FARP2: variants seen among roughly 807,000 people sequenced by gnomAD.
FARP2 encodes FERM, ARHGEF and pleckstrin domain-containing protein 2.
Under a neutral mutation model 130.5 loss-of-function variants are expected in FARP2, and 111 were observed. That is an observed-to-expected ratio of 0.85 (90% confidence interval 0.73 to 1.00). The LOEUF (loss-of-function observed/expected upper bound fraction) is 1.00, where lower values mean the gene tolerates loss of function less well. FARP2 is among the 50% of genes least tolerant of loss of function. The pLI, the probability that FARP2 is intolerant of heterozygous loss-of-function variation, is 0.00. For synonymous variants in FARP2, 504 were observed against 516.9 expected, an observed-to-expected ratio of 0.98 and a Z score of 0.34; for missense variants, 1,385 against 1,346.3, an observed-to-expected ratio of 1.03 and a Z score of -0.45.
At chr2:241,375,643 T>A (rs2061518950) in intron 2 of FARP2, among the ~76,000 whole-genome samples, 1 of 152,208 alleles carries the variant, frequency 6.6e-6, no homozygotes, top group African/African-American at 2.4e-5. Context: ...TTCAGTTAAA[T>A]ATAACCGTCA....
At chr2:241,427,364 A>G (rs1036365634) in intron 8 of FARP2, among the ~76,000 whole-genome samples, 1 of 152,220 alleles carries the variant, frequency 6.6e-6, no homozygotes, top group East Asian at 1.9e-4. Flanking sequence ...TGATTTTATT[A>G]AAGTATACAG....
chr2:241,382,292 A>ATTTT (rs772855102), intron 2 of FARP2, among the ~76,000 whole-genome samples: 4 of 126,262 alleles, frequency 3.2e-5, no homozygotes, highest in Admixed American at 1.7e-4. Flanking sequence ...TACAAAATCT[A>ATTTT]TTTTTTTTTT....
intron 5 of FARP2, among the ~76,000 whole-genome samples, chr2:241,408,807 C>A (rs2062433428): frequency 6.6e-6 from 1 of 152,088 alleles, no homozygotes; most frequent in South Asian, 2.1e-4. Flanking sequence ...TTAAAGGTTT[C>A]TGCATATCAT....
At chr2:241,485,445 T>C (rs1465152459) in intron 21 of FARP2, among the ~76,000 whole-genome samples, 6 of 137,510 alleles carry the variant, frequency 4.4e-5, no homozygotes, top group Non-Finnish European at 9.4e-5. Context: ...CTTCCTAGAG[T>C]CCTCCCTCCC....
chr2:241,414,203 A>G (rs1251972938), intron 7 of FARP2, among the ~76,000 whole-genome samples: 1 of 152,150 alleles, frequency 6.6e-6, no homozygotes, highest in African/African-American at 2.4e-5. Context: ...GATTTCTCTA[A>G]GACTTGACAC....
chr2:241,476,234 A>G (rs2064457101), intron 19 of FARP2, among the ~76,000 whole-genome samples: 1 of 150,402 alleles, frequency 6.6e-6, no homozygotes. Flanking sequence ...AAAAAAAAAA[A>G]AGAATTGCTG....
chr2:241,453,438 T>G (rs77726357), intron 13 of FARP2, among the ~76,000 whole-genome samples: 1 of 151,016 alleles, frequency 6.6e-6, no homozygotes, highest in Non-Finnish European at 1.5e-5. Flanking sequence ...CTGGCTAACA[T>G]GGTGAAACCC....
At chr2:241,488,790 T>C (rs1392165452) in intron 21 of FARP2, 2 of 152,230 alleles carry the variant, frequency 1.3e-5, no homozygotes, top group African/African-American at 4.8e-5. Context: ...TCTCAGACTT[T>C]ATCAAATGGA....
intron 2 of FARP2, among the ~76,000 whole-genome samples, chr2:241,384,410 T>C (rs1302413796): frequency 1.3e-5 from 2 of 152,178 alleles, no homozygotes; most frequent in Non-Finnish European, 2.9e-5. Context: ...CAGAAAGATA[T>C]TCTTTCCTCC....
rs757599494 is a variant in FARP2, at chr2:241,441,538, G to A, written c.1393G>A (p.Ala465Thr). 16 of 1,613,776 alleles carry A rather than the reference G, an allele frequency of 9.9e-6. No homozygotes were observed. Among genetic ancestry groups the A allele is most frequent in the Admixed American group, 5.0e-5 (3 of 60,004 alleles). The stretch of plus-strand genomic sequence containing the variant: ...ATCGGCCCAGCCCCTCGGGCCCCCC[G>A]CACTCCAGCCTGGTCCAGGTGTCGG... ...TPSAQPLGPP[A>T]LQPGPGLSTK... Residue 465 changes from alanine (A) to threonine (T), a missense_variant, in exon 13 of 27, where the codon GCA (alanine) becomes ACA (threonine). Ala to Thr is a moderately conservative substitution (Grantham distance 58, BLOSUM62 0). Transcript: ENST00000264042.
chr2:241,490,802 A>T (rs1325686039), intron 22 of FARP2, among the ~76,000 whole-genome samples: 2 of 151,934 alleles, frequency 1.3e-5, no homozygotes, highest in Non-Finnish European at 2.9e-5. Flanking sequence ...ACCCCTGCAG[A>T]CCCCCTGTTC....
Position 241,459,603 on chromosome 2 carries a change from A to C in FARP2, c.1587+2681A>C, listed in dbSNP as rs1574869319. Among the ~76,000 whole-genome samples the C allele has an allele frequency of 6.6e-6, 1 of 152,370 alleles. No homozygotes were observed. Among genetic ancestry groups the C allele is most frequent in the Non-Finnish European group, 1.5e-5 (1 of 68,038 alleles). On this transcript the variant is annotated intron_variant, in intron 14 of 26. Transcript: ENST00000264042. This position sits in a 1 kb window ranked among gnomAD's most constrained non-coding sequence, Gnocchi z 5.3. ...GGCAGAAGCCTCTTCCACGCTCTGC[A>C]TGGGCACATAGACCCTTCATGTGGG...
chr2:241,441,104 C>CA (rs1422957854), intron 12 of FARP2, among the ~76,000 whole-genome samples, 200 bp from the exon 13 acceptor site: 2 of 152,132 alleles, frequency 1.3e-5, no homozygotes, highest in African/African-American at 4.8e-5. Flanking sequence ...GGTTTGTAAA[C>CA]AGACGATCCT....
At position 241,441,514 on chromosome 2, in the gene FARP2, T is replaced by C; in HGVS notation, c.1369T>C (p.Ser457Pro). The C allele has an allele frequency of 6.2e-7, 1 of 1,614,052 alleles. No individual in the cohort carries two copies. The highest frequency in any genetic ancestry group is 8.5e-7 in the Non-Finnish European group (1 of 1,180,022). ...AGTGGCTGGAGGCCCCGACACACCA[T>C]CGGCCCAGCCCCTCGGGCCCCCCGC... Reference protein sequence around the residue: ...GAVAGGPDTPSAQPLGPPALQ... With the variant: ...GAVAGGPDTPPAQPLGPPALQ... The change falls in exon 13 of 27, where the codon TCG becomes CCG. Residue 457 changes from serine (S) to proline (P), a missense_variant. Transcript: ENST00000264042.
intron 2 of FARP2, among the ~76,000 whole-genome samples, chr2:241,379,050 A>G (rs539107955): frequency 1.3e-5 from 2 of 152,356 alleles, no homozygotes; most frequent in Admixed American, 6.5e-5. Context: ...ATCGGGTAGA[A>G]ATACTTTCAG....
intron 21 of FARP2, among the ~76,000 whole-genome samples, chr2:241,486,287 CTTTTTT>C (rs71406464): frequency 1.9e-5 from 2 of 103,896 alleles, no homozygotes; most frequent in South Asian, 6.9e-4. Context: ...CTCCAAAAAT[CTTTTTT>C]TTTTTTTTTT....
intron 20 of FARP2, 93 bp downstream of exon 20, chr2:241,483,626 C>G: frequency 1.4e-6 from 2 of 1,401,200 alleles, no homozygotes; most frequent in Non-Finnish European, 2.0e-6. Flanking sequence ...AGCCCATTGG[C>G]CTCTGGGTAG....
chr2:241,413,940 CAAA>C (rs746206247), intron 7 of FARP2, among the ~76,000 whole-genome samples: 3 of 88,558 alleles, frequency 3.4e-5, no homozygotes, highest in Non-Finnish European at 2.3e-5. Context: ...AACTCCGTCT[CAAA>C]AAAAAAAAAA....
intron 20 of FARP2, 146 bp from the exon 21 acceptor site, chr2:241,484,096 T>G (rs2064693545): frequency 7.0e-7 from 1 of 1,435,854 alleles, no homozygotes; most frequent in African/African-American, 1.4e-5. Flanking sequence ...ACCAAATGAA[T>G]GAATAAAAGT....
Sources: allele counts gnomAD v4.1 joint callset (sites outside exome capture counted in the v4.1 genomes callset), GRCh38; gene constraint gnomAD v4.1.1; non-coding constraint Gnocchi (gnomAD v3.1); transcripts MANE v1.5; gene names NCBI Gene and HGNC (gene_info 2026-07-23, HGNC 2026-07-21).